The following TBC1D32 variants were observed in gnomAD, a reference collection of about 807,000 sequenced individuals.
TBC1D32 encodes the protein protein broad-minded.
TBC1D32 carries 151 observed loss-of-function variants against 170.3 expected under a neutral mutation model. The observed-to-expected ratio is 0.89, with a 90% CI of 0.78 to 1.01. The LOEUF is 1.01. Ranked by LOEUF, TBC1D32 falls within the 50% of genes least tolerant of loss-of-function variation. The pLI is 0.00. For synonymous variants in TBC1D32, 498 were observed against 488.0 expected (o/e 1.02, Z -0.27); for missense variants, 1,464 against 1,457.1 (o/e 1.00, Z -0.08).
chr6:121,244,037 A>G (rs1455026866), intron 17 of TBC1D32, among the ~76,000 whole-genome samples: 1 of 152,116 alleles, frequency 6.6e-6, no homozygotes, highest in Non-Finnish European at 1.5e-5. Context: ...GCAAGCATTA[A>G]CAAGACCAAA....
At position 121,271,566 on chromosome 6, in the gene TBC1D32, G is replaced by A. The variant is rs537331612; in HGVS notation, c.1733+7555C>T. ...GAATCCAACTTACAAGGGATGTGAA[G>A]GATCTCTTCAAGGAGAACTACAAAC... On this transcript the variant is annotated intron_variant, in intron 15 of 31. Coordinates refer to ENST00000398212, the MANE Select transcript of TBC1D32 (RefSeq NM_152730.6). Among the ~76,000 whole-genome samples, 1,352 of 152,142 alleles carry A rather than the reference G, an allele frequency of 8.9e-3. 28 individuals are homozygous for A. The highest frequency in any genetic ancestry group is 0.031 in the African/African-American group (1,278 of 41,468).
At chr6:121,288,290 AAT>A (rs1244235121) in intron 12 of TBC1D32, among the ~76,000 whole-genome samples, 2 of 152,214 alleles carry the variant, frequency 1.3e-5, no homozygotes, top group Non-Finnish European at 2.9e-5. Context: ...AGAAGAATCA[AAT>A]AGACGCAATA....
At chr6:121,155,190 A>G (rs79269449) in intron 24 of TBC1D32, among the ~76,000 whole-genome samples, 4,904 of 152,148 alleles carry the variant, frequency 0.032, 266 homozygotes, top group African/African-American at 0.11. Flanking sequence ...CAATGTTTGT[A>G]GTTCTCCTTG....
Position 121,239,085 on chromosome 6 carries a change from G to A in TBC1D32, c.2349C>T (p.Asp783=), listed in dbSNP as rs777933100. The change falls in exon 20 of 32, where the codon GAC becomes GAT. Residue 783 remains aspartate, a synonymous_variant. Coordinates refer to ENST00000398212, the MANE Select transcript of TBC1D32 (RefSeq NM_152730.6). ...AACTTCTTACCTTTTGACAGCTTCG[G>A]TCAATAGGATCCACTGGAGTAGTTC... is the stretch of plus-strand genomic sequence containing the variant. The part of the protein sequence containing the change: ...HPRTTPVDPI[D]RSCQKSFLAL... 4 of 1,589,636 alleles carry A rather than the reference G, an allele frequency of 2.5e-6. No homozygotes were observed. In the African/African-American group the frequency reaches 5.4e-5, roughly 21 times the overall value.
At chr6:121,271,810 A>G (rs1263910798) in intron 15 of TBC1D32, among the ~76,000 whole-genome samples, 2 of 152,062 alleles carry the variant, frequency 1.3e-5, no homozygotes, top group African/African-American at 4.8e-5. Context: ...TGCCAAGACA[A>G]TCCTAAGACA....
At chr6:121,245,406 G>A (rs1472412036) in intron 17 of TBC1D32, among the ~76,000 whole-genome samples, 2 of 152,154 alleles carry the variant, frequency 1.3e-5, no homozygotes, top group African/African-American at 4.8e-5. Context: ...AGAGTAAGGA[G>A]GAGAGCACCA....
chr6:121,269,507 G>A (rs547570907), intron 15 of TBC1D32, among the ~76,000 whole-genome samples: 1 of 152,174 alleles, frequency 6.6e-6, no homozygotes, highest in South Asian at 2.1e-4. Context: ...GATCAGAAGA[G>A]ACAAAGAAGG....
chr6:121,241,611 A>G (rs1796998651), intron 18 of TBC1D32, 59 bp from the exon 19 acceptor site: 2 of 1,345,908 alleles, frequency 1.5e-6, no homozygotes, highest in Admixed American at 3.4e-5. Context: ...TGCTAACTAG[A>G]CATTCCTTCA....
intron 31 of TBC1D32, among the ~76,000 whole-genome samples, chr6:121,087,593 GATA>G (rs1312924122): frequency 6.6e-6 from 1 of 152,066 alleles, no homozygotes; most frequent in Non-Finnish European, 1.5e-5. Context: ...CAATACAACT[GATA>G]ATAACTGAAA....
chr6:121,313,315 G>A (rs951897895), intron 3 of TBC1D32, among the ~76,000 whole-genome samples: 15 of 138,310 alleles, frequency 1.1e-4, no homozygotes, highest in South Asian at 2.2e-4. Context: ...TCACTCTGTC[G>A]CCCAGGTTGG....
intron 30 of TBC1D32, among the ~76,000 whole-genome samples, chr6:121,098,328 AT>A (rs1777653526): frequency 6.6e-6 from 1 of 151,914 alleles, no homozygotes; most frequent in South Asian, 2.1e-4. Flanking sequence ...CAAAGACACT[AT>A]TTTTAACAAC....
chr6:121,244,905 A>C (rs1797415109), intron 17 of TBC1D32, among the ~76,000 whole-genome samples: 1 of 152,230 alleles, frequency 6.6e-6, no homozygotes, highest in Non-Finnish European at 1.5e-5. Flanking sequence ...CTAAGAAATC[A>C]GAACACTTGT....
intron 15 of TBC1D32, 83 bp downstream of exon 15, chr6:121,279,038 A>G: frequency 6.9e-7 from 1 of 1,443,014 alleles, no homozygotes; most frequent in Non-Finnish European, 9.3e-7. Context: ...CAGCTTTTTT[A>G]GATCATTTAA....
rs1482111312 is a variant in TBC1D32 at position 121,106,112 on chromosome 6, A to G, written c.3376T>C (p.Cys1126Arg). 6.2e-7 allele frequency: 1 copy of G among 1,603,882 alleles called. No homozygotes were observed. The highest frequency in any genetic ancestry group is 1.3e-5 in the African/African-American group (1 of 74,748). Reference sequence around the variant, plus strand: ...AGCATTTCAATATAATGGGTGCTGCAAAAATATACTGGATGGATGCCAGAT... The same window carrying G: ...AGCATTTCAATATAATGGGTGCTGCGAAAATATACTGGATGGATGCCAGAT... ...VESGIHPVYFCSTHYIEMLLK... is the reference protein window; with the variant it reads ...VESGIHPVYFRSTHYIEMLLK... Residue 1126 changes from cysteine to arginine, a missense_variant, in exon 30 of 32, where the codon TGC becomes CGC. Cys to Arg is a radical substitution (Grantham distance 180, BLOSUM62 -3). Around this residue, in one of 3 missense-constraint regions of TBC1D32, gnomAD observed 1,363 missense variants for 1,338.1 expected, o/e 1.02. Transcript: ENST00000398212.
intron 24 of TBC1D32, among the ~76,000 whole-genome samples, chr6:121,139,206 T>C (rs1582928559): frequency 1.3e-5 from 2 of 152,314 alleles, no homozygotes; most frequent in African/African-American, 4.8e-5. Flanking sequence ...TTTTAGTTGA[T>C]TGGGGGGAAT....
At chr6:121,129,884 C>T (rs553407247) in intron 25 of TBC1D32, 27 of 449,680 alleles carry the variant, frequency 6.0e-5, no homozygotes, top group South Asian at 3.1e-4. Flanking sequence ...TTTATACTCT[C>T]GATGGTATCT....
intron 26 of TBC1D32, among the ~76,000 whole-genome samples, chr6:121,123,053 A>C (rs1182374495): frequency 6.6e-6 from 1 of 152,062 alleles, no homozygotes; most frequent in East Asian, 1.9e-4. Flanking sequence ...TTGAAAAAGA[A>C]CCAGACTCCA....
chr6:121,267,567 G>A (rs145801103), intron 15 of TBC1D32, among the ~76,000 whole-genome samples: 4,995 of 152,264 alleles, frequency 0.033, 198 homozygotes, highest in East Asian at 0.12. Flanking sequence ...CAAGGCTGGG[G>A]GAGGGGCATC....
intron 12 of TBC1D32, among the ~76,000 whole-genome samples, chr6:121,287,579 C>T (rs1367645635): frequency 2.6e-5 from 4 of 152,110 alleles, no homozygotes; most frequent in African/African-American, 4.8e-5. Context: ...CCACTGTCAA[C>T]ATTAGATGGA....
Sources: allele counts gnomAD v4.1 joint callset (sites outside exome capture counted in the v4.1 genomes callset), GRCh38; gene constraint gnomAD v4.1.1; regional missense constraint gnomAD v4.1.1; transcripts MANE v1.5; gene names NCBI Gene and HGNC (gene_info 2026-07-23, HGNC 2026-07-21).